TSPAN2: variants seen among roughly 807,000 people sequenced by gnomAD.
TSPAN2 encodes the protein tetraspanin-2.
In TSPAN2, 24 loss-of-function variants were observed where a neutral mutation model predicts 33.3. That is an observed-to-expected ratio of 0.72 (90% CI 0.52 to 1.01). The LOEUF (loss-of-function observed/expected upper bound fraction) is 1.01. Among genes scored for constraint, TSPAN2 ranks in the 50% least tolerant of loss-of-function variants. The probability of loss-of-function intolerance (pLI) is 0.00; values close to 1 mark genes in which losing one functional copy is unlikely to be tolerated. For synonymous variants in TSPAN2, 114 were observed against 104.5 expected (o/e 1.09, Z -0.56); for missense variants, 278 against 281.3 (o/e 0.99, Z 0.08).
At chr1:115,057,452 T>A (rs1445441527) in intron 6 of TSPAN2, 85 bp downstream of exon 6, 8 of 1,300,070 alleles carry the variant, frequency 6.2e-6, no homozygotes, top group African/African-American at 1.5e-5. Flanking sequence ...AAAATGCAGA[T>A]CCCATCCGAG....
At chr1:115,057,299 A>AC (rs1647468700) in intron 6 of TSPAN2, among the ~76,000 whole-genome samples, 1 of 151,930 alleles carries the variant, frequency 6.6e-6, no homozygotes, top group African/African-American at 2.4e-5. Context: ...TCTGGTCACC[A>AC]CTCCTGTAGT....
In TSPAN2 at chr1:115,049,375, C is replaced by T. The variant is rs571382879; in HGVS notation, c.*1115G>A. The T allele has an allele frequency of 3.3e-5, 5 of 152,578 alleles. No homozygotes were observed. In the East Asian group the frequency reaches 5.8e-4, roughly 18 times the overall value. 9.5% of individuals were successfully genotyped at this position (152,578 alleles called of 1,614,324 possible). Reference sequence around the variant, plus strand: ...CTTTATTTTGGTTTGGCCAAAGATGCTAATGGTTAAATTATGAAGGACTTT... The same window carrying T: ...CTTTATTTTGGTTTGGCCAAAGATGTTAATGGTTAAATTATGAAGGACTTT... On this transcript the variant is annotated 3_prime_UTR_variant, in exon 8 of 8. Transcript: ENST00000369516.
chr1:115,089,369 A>G lies in TSPAN2; in HGVS notation c.64T>C (p.Phe22Leu). The stretch of plus-strand genomic sequence containing the variant: ...CTCCCGGCTCCTGGTCTCACCCAGA[A>G]GAGCAGGTTGAAGCCAAGCAGCAGG... ...KYLLLGFNLLFWLAGSAVIAF... is the reference protein window; with the variant it reads ...KYLLLGFNLLLWLAGSAVIAF... Residue 22 changes from phenylalanine (F) to leucine (L), a missense_variant, in exon 1 of 8, where the codon TTC (phenylalanine) becomes CTC (leucine). Transcript: ENST00000369516. 6.3e-7 allele frequency: 1 copy of G among 1,589,894 alleles called. No individual in the cohort carries two copies.
chr1:115,071,099 A>G (rs1648155836), intron 2 of TSPAN2, among the ~76,000 whole-genome samples: 1 of 151,970 alleles, frequency 6.6e-6, no homozygotes, highest in African/African-American at 2.4e-5. Flanking sequence ...ACAAAATCCC[A>G]ATCTTGTCCA....
intron 2 of TSPAN2, among the ~76,000 whole-genome samples, chr1:115,069,949 T>C (rs1157347637): frequency 1.3e-5 from 2 of 152,252 alleles, no homozygotes; most frequent in South Asian, 2.1e-4. Context: ...CTTTCATCTA[T>C]GGAAGTCTAT....
At chr1:115,062,698 G>C (rs1647783087) in intron 2 of TSPAN2, among the ~76,000 whole-genome samples, 1 of 152,204 alleles carries the variant, frequency 6.6e-6, no homozygotes, top group Non-Finnish European at 1.5e-5. Flanking sequence ...GTCTTACTTG[G>C]AATCATGTTA....
chr1:115,086,450 C>T (rs1234820794), intron 1 of TSPAN2, among the ~76,000 whole-genome samples: 1 of 152,228 alleles, frequency 6.6e-6, no homozygotes, highest in Admixed American at 6.5e-5. Flanking sequence ...CTCCATTCTA[C>T]CAGTCCTTCC....
chr1:115,068,822 G>C (rs1648048981), intron 2 of TSPAN2, among the ~76,000 whole-genome samples: 1 of 152,214 alleles, frequency 6.6e-6, no homozygotes, highest in African/African-American at 2.4e-5. Context: ...TATATTATAA[G>C]ACATACTTGA....
chr1:115,073,049 G>C (rs1648248401), intron 1 of TSPAN2, 42 bp from the exon 2 acceptor site: 1 of 1,550,032 alleles, frequency 6.5e-7, no homozygotes, highest in Non-Finnish European at 8.9e-7. Context: ...GAAGGGGAAA[G>C]AGCATGCACA....
At chr1:115,077,307 T>A (rs914942638) in intron 1 of TSPAN2, among the ~76,000 whole-genome samples, 1 of 143,028 alleles carries the variant, frequency 7.0e-6, no homozygotes, top group Non-Finnish European at 1.5e-5. Flanking sequence ...GTGCCAACTG[T>A]TAAAAAGAGG....
rs1192190245 is a variant in TSPAN2 at position 115,049,940 on chromosome 1, G to A, written c.*550C>T. 6.4e-6 allele frequency: 1 copy of A among 155,562 alleles called. No homozygotes were observed. Among genetic ancestry groups the A allele is most frequent in the Admixed American group, 6.5e-5 (1 of 15,360 alleles). The allele number at this position is 155,562 out of a possible 1,614,324, so 9.6% of individuals were successfully genotyped here. ...TAAAACTGTGGTTTACTGTATTCTGGGGAGAGCATGTATATAAAAAAACCC... is the reference window on the plus strand; with the variant it reads ...TAAAACTGTGGTTTACTGTATTCTGAGGAGAGCATGTATATAAAAAAACCC... On this transcript the variant is annotated 3_prime_UTR_variant, in exon 8 of 8. Coordinates refer to ENST00000369516, the MANE Select transcript of TSPAN2 (RefSeq NM_005725.6).
intron 2 of TSPAN2, among the ~76,000 whole-genome samples, chr1:115,062,479 T>G (rs1021546713): frequency 6.6e-6 from 1 of 152,150 alleles, no homozygotes; most frequent in African/African-American, 2.4e-5. Flanking sequence ...TGCCCAACAC[T>G]CCGACTCTGT....
At chr1:115,087,791 T>C (rs1648901288) in intron 1 of TSPAN2, among the ~76,000 whole-genome samples, 1 of 152,140 alleles carries the variant, frequency 6.6e-6, no homozygotes, top group South Asian at 2.1e-4. Flanking sequence ...TGTGTAATAA[T>C]GAAAGTAATA....
intron 2 of TSPAN2, among the ~76,000 whole-genome samples, chr1:115,070,969 T>C (rs1171342829): frequency 6.6e-6 from 1 of 152,170 alleles, no homozygotes; most frequent in Non-Finnish European, 1.5e-5. Flanking sequence ...GTTATACTGA[T>C]AGGTTATATT....
intron 2 of TSPAN2, among the ~76,000 whole-genome samples, chr1:115,070,731 A>G (rs1648136701): frequency 6.6e-6 from 1 of 151,916 alleles, no homozygotes; most frequent in Non-Finnish European, 1.5e-5. Context: ...ACCTAACTTA[A>G]ATCCTTCTTT....
At chr1:115,056,392 G>A (rs549704563) in intron 6 of TSPAN2, among the ~76,000 whole-genome samples, 3 of 152,200 alleles carry the variant, frequency 2.0e-5, no homozygotes, top group South Asian at 4.2e-4. Context: ...CTCACAGCAC[G>A]TCACCAGTTG....
intron 1 of TSPAN2, among the ~76,000 whole-genome samples, chr1:115,082,424 T>C (rs990172896): frequency 6.6e-6 from 1 of 152,220 alleles, no homozygotes; most frequent in Non-Finnish European, 1.5e-5. Context: ...TTCTCATATG[T>C]AAACTGGGGA....
At chr1:115,064,496 A>C (rs1374142957) in intron 2 of TSPAN2, among the ~76,000 whole-genome samples, 3 of 152,200 alleles carry the variant, frequency 2.0e-5, no homozygotes, top group Admixed American at 6.5e-5. Flanking sequence ...ATTCACCATG[A>C]TCTGGCTGTG....
In TSPAN2 at chr1:115,062,170, C is replaced by T. The variant is rs747399452; in HGVS notation, c.235G>A (p.Gly79Arg). 10 of 1,601,684 alleles carry T rather than the reference C, an allele frequency of 6.2e-6. No individual in the cohort carries two copies. The highest frequency in any genetic ancestry group is 2.3e-5 in the East Asian group (1 of 44,284). The stretch of plus-strand genomic sequence containing the variant: ...ACACATTGCGACTCCCGCATGGCTC[C>T]GCAGCACCCGAAGAACCCCACGGCC... ...MMAVGFFGCCGAMRESQCVLG... is the reference protein window; with the variant it reads ...MMAVGFFGCCRAMRESQCVLG... Residue 79 changes from glycine to arginine, a missense_variant, in exon 3 of 8, where the codon GGA (glycine) becomes AGA (arginine). Gly to Arg is a moderately radical substitution (Grantham distance 125). Coordinates refer to ENST00000369516, the MANE Select transcript of TSPAN2 (RefSeq NM_005725.6).
Sources: allele counts gnomAD v4.1 joint callset (sites outside exome capture counted in the v4.1 genomes callset), GRCh38; gene constraint gnomAD v4.1.1; transcripts MANE v1.5; gene names NCBI Gene and HGNC (gene_info 2026-07-23, HGNC 2026-07-21).